MACF1: variants seen among roughly 807,000 people sequenced by gnomAD.
The protein encoded by MACF1 is microtubule actin crosslinking factor 1.
MACF1 carries 193 observed loss-of-function variants against 854.8 expected under a neutral mutation model. The ratio of observed to expected loss-of-function variants is 0.23; its 90% CI spans 0.20 to 0.25. The LOEUF is 0.25. MACF1 is among the 10% of genes least tolerant of loss of function. MACF1 has a pLI of 1.00. For missense variants in MACF1, 7,722 were observed against 8,929.1 expected (o/e 0.86, Z 5.45); for synonymous variants, 3,185 against 3,226.7 (o/e 0.99, Z 0.44).
chr1:39,357,144 G>A (rs1461034058), intron 44 of MACF1, among the ~76,000 whole-genome samples: 3 of 152,142 alleles, frequency 2.0e-5, no homozygotes, highest in Non-Finnish European at 2.9e-5. Flanking sequence ...CTAAATTAAA[G>A]GGCTATACCT....
At chr1:39,268,662 T>G (rs762040466) in intron 6 of MACF1, 14 of 1,235,594 alleles carry the variant, frequency 1.1e-5, no homozygotes, top group Non-Finnish European at 1.5e-5. Context: ...AGGACTGGCT[T>G]AGCTGCGTTT....
chr1:39,228,168 G>A (rs1316019474), intron 1 of MACF1, among the ~76,000 whole-genome samples: 1 of 152,098 alleles, frequency 6.6e-6, no homozygotes, highest in African/African-American at 2.4e-5. Context: ...AAATTAGCCG[G>A]ACGTGGTGGG....
At chr1:39,420,221 G>A (rs1016961439) in intron 58 of MACF1, among the ~76,000 whole-genome samples, 4 of 152,178 alleles carry the variant, frequency 2.6e-5, no homozygotes, top group African/African-American at 9.7e-5. Context: ...GATAGGATTT[G>A]GTTATTGAGT....
chr1:39,322,324 G>A (rs899627358), intron 31 of MACF1, among the ~76,000 whole-genome samples: 3 of 152,182 alleles, frequency 2.0e-5, no homozygotes, highest in Non-Finnish European at 4.4e-5. Flanking sequence ...AATATTTTAT[G>A]ATGTGAAAAT....
intron 2 of MACF1, among the ~76,000 whole-genome samples, chr1:39,244,207 C>G (rs1405448395): frequency 6.6e-6 from 1 of 151,854 alleles, no homozygotes; most frequent in Non-Finnish European, 1.5e-5. Context: ...TGGGTTCAAG[C>G]AGTTCTCCTT....
chr1:39,255,554 T>C (rs1006916107), intron 5 of MACF1, among the ~76,000 whole-genome samples: 4 of 152,234 alleles, frequency 2.6e-5, no homozygotes, highest in Non-Finnish European at 5.9e-5. Context: ...CTTCTAAAAT[T>C]CTCTGTTTGC....
intron 2 of MACF1, among the ~76,000 whole-genome samples, chr1:39,137,799 C>T (rs918507984): frequency 1.3e-5 from 2 of 151,916 alleles, no homozygotes; most frequent in Non-Finnish European, 2.9e-5. Flanking sequence ...TGAGGCCAGG[C>T]GTGGTGGGTC....
chr1:39,204,617 G>T (rs1458883477), upstream of MACF1: 1 of 157,710 alleles, frequency 6.3e-6, no homozygotes, highest in East Asian at 1.8e-4. Flanking sequence ...TTAAGAGTGT[G>T]ACGTCCTCTG....
chr1:39,110,669 T>C (rs1182346522), intron 2 of MACF1, among the ~76,000 whole-genome samples: 1 of 152,200 alleles, frequency 6.6e-6, no homozygotes, highest in Non-Finnish European at 1.5e-5. Context: ...GTCAAGTCAG[T>C]CTGCTGGGAA....
At chr1:39,327,504 T>G in intron 36 of MACF1, 151 bp downstream of exon 36, 1 of 821,408 alleles carries the variant, frequency 1.2e-6, no homozygotes, top group Non-Finnish European at 1.8e-6. Flanking sequence ...GTCTTGTGTT[T>G]CTTTACTGGG....
At chr1:39,258,311 C>T (rs1282149047) in intron 6 of MACF1, among the ~76,000 whole-genome samples, 5 of 152,182 alleles carry the variant, frequency 3.3e-5, no homozygotes, top group Non-Finnish European at 7.3e-5. Context: ...TCTGTTTGCT[C>T]AGCTGAATCA....
chr1:39,232,069 C>T (rs1388925448), intron 2 of MACF1, among the ~76,000 whole-genome samples: 4 of 148,248 alleles, frequency 2.7e-5, no homozygotes, highest in Non-Finnish European at 5.9e-5. Context: ...ATAACAGAGG[C>T]ATGTTAAGAC....
intron 20 of MACF1, among the ~76,000 whole-genome samples, chr1:39,297,100 A>G (rs1028096822): frequency 6.6e-6 from 1 of 151,524 alleles, no homozygotes; most frequent in Non-Finnish European, 1.5e-5. Context: ...ATTTTTTTGT[A>G]TTTTTTTAGT....
upstream of MACF1, among the ~76,000 whole-genome samples, chr1:39,201,682 G>A (rs566337712): frequency 9.9e-5 from 15 of 151,924 alleles, no homozygotes; most frequent in Admixed American, 2.6e-4. Flanking sequence ...AAGTTAAATC[G>A]TGTTACTGTC....
Position 39,084,253 on chromosome 1 carries a change from G to T in MACF1, c.35G>T (p.Arg12Leu), listed in dbSNP as rs200446050. The change falls in exon 2 of 94, where the codon CGG becomes CTG. Residue 12 changes from arginine to leucine, a missense_variant. Arg to Leu is a moderately radical substitution (Grantham distance 102). Coordinates refer to the MACF1 transcript ENST00000361689. This position sits in a 1 kb window ranked among gnomAD's most constrained non-coding sequence, Gnocchi z 5.2. ...TCAGATGAAGAGACGCTCAGTGAGCGGTCATGTCGGAGTGAGCGGTCTTGT... is the reference window on the plus strand; with the variant it reads ...TCAGATGAAGAGACGCTCAGTGAGCTGTCATGTCGGAGTGAGCGGTCTTGT... 6.2e-7 allele frequency: 1 copy of T among 1,612,806 alleles called. No individual in the cohort carries two copies. The highest frequency in any genetic ancestry group is 8.5e-7 in the Non-Finnish European group (1 of 1,179,250).
intron 2 of MACF1, among the ~76,000 whole-genome samples, chr1:39,097,652 G>A (rs1283957505): frequency 1.3e-5 from 2 of 152,164 alleles, no homozygotes; most frequent in Admixed American, 6.5e-5. Flanking sequence ...AGCCTGGGAG[G>A]TTGAGGCAGC....
At chr1:39,273,551 A>C (rs1357709438) in intron 6 of MACF1, among the ~76,000 whole-genome samples, 1 of 152,086 alleles carries the variant, frequency 6.6e-6, no homozygotes, top group Non-Finnish European at 1.5e-5. Flanking sequence ...CTATTGGGGG[A>C]ATGCAGAAGG....
chr1:39,337,870 C>T lies in MACF1; in HGVS notation c.10215+539C>T, dbSNP rs184469246. 6.3e-3 allele frequency among the ~76,000 whole-genome samples: 951 copies of T among 150,530 alleles called. 14 individuals carry two copies. Among genetic ancestry groups the T allele is most frequent in the African/African-American group, 0.022 (884 of 40,922 alleles). ...CTGCAAGCTCTGCCTCCCGGGTTTC[C>T]GCCATTCTCCTGCCTCAGCCTCCCG... On this transcript the variant is annotated intron_variant, in intron 38 of 100. Coordinates refer to ENST00000564288, the MANE Select transcript of MACF1 (RefSeq NM_001394062.1).
At chr1:39,346,936 A>T (rs374286129) in intron 40 of MACF1, 41 bp from the exon 41 acceptor site, 4 of 1,308,642 alleles carry the variant, frequency 3.1e-6, no homozygotes, top group Non-Finnish European at 4.4e-6. Context: ...TGGAAGTATC[A>T]TGGTTTTTTG....
Sources: allele counts gnomAD v4.1 joint callset (sites outside exome capture counted in the v4.1 genomes callset), GRCh38; gene constraint gnomAD v4.1.1; non-coding constraint Gnocchi (gnomAD v3.1); transcripts MANE v1.5; gene names NCBI Gene and HGNC (gene_info 2026-07-23, HGNC 2026-07-21).